The following CCDC102B variants were observed in gnomAD, a reference collection of about 807,000 sequenced individuals.
CCDC102B encodes coiled-coil domain containing 102B.
A neutral mutation model predicts 57.4 loss-of-function variants in CCDC102B; 75 were observed. The ratio of observed to expected loss-of-function variants is 1.31; its 90% CI spans 1.08 to 1.58. The LOEUF (loss-of-function observed/expected upper bound fraction) is 1.58. Among genes scored for constraint, CCDC102B ranks in the 40% most tolerant of loss-of-function variants. The probability of loss-of-function intolerance (pLI) is 0.00; values close to 1 mark genes in which losing one functional copy is unlikely to be tolerated. For missense variants in CCDC102B, 636 were observed against 582.6 expected (o/e 1.09, Z -0.94); for synonymous variants, 206 against 201.9 (o/e 1.02, Z -0.17).
chr18:68,945,674 G>C (rs1460504787), intron 6 of CCDC102B, among the ~76,000 whole-genome samples: 1 of 152,038 alleles, frequency 6.6e-6, no homozygotes, highest in African/African-American at 2.4e-5. Context: ...TGTTGTGGAA[G>C]AATCTCTTGT....
intron 6 of CCDC102B, among the ~76,000 whole-genome samples, chr18:68,917,648 T>G (rs1319112111): frequency 6.6e-6 from 1 of 152,200 alleles, no homozygotes; most frequent in Non-Finnish European, 1.5e-5. Flanking sequence ...ATGAAATAAC[T>G]TAGTTTCTTT....
chr18:69,010,044 G>C (rs1309242266), intron 6 of CCDC102B, among the ~76,000 whole-genome samples: 1 of 136,756 alleles, frequency 7.3e-6, no homozygotes, highest in African/African-American at 2.7e-5. Flanking sequence ...CCATTTTCCT[G>C]CCTCAGTCTC....
intron 3 of CCDC102B, among the ~76,000 whole-genome samples, chr18:68,845,649 A>G (rs181500254): frequency 2.6e-5 from 4 of 151,956 alleles, no homozygotes; most frequent in East Asian, 3.9e-4. Context: ...ACAATTATCA[A>G]TGACTCAGAC....
chr18:68,753,530 G>A (rs1253154709), intron 2 of CCDC102B: 1 of 152,444 alleles, frequency 6.6e-6, no homozygotes, highest in African/African-American at 2.4e-5. Context: ...AAGAAACATA[G>A]CATTCTCTCT....
intron 7 of CCDC102B, among the ~76,000 whole-genome samples, chr18:69,018,239 G>A (rs569750196): frequency 1.8e-4 from 28 of 152,246 alleles, no homozygotes; most frequent in Middle Eastern, 3.4e-3. Context: ...TATACACAAC[G>A]TGTGTATACA....
intron 6 of CCDC102B, chr18:68,993,501 C>T (rs918872470): frequency 6.6e-6 from 1 of 152,150 alleles, no homozygotes; most frequent in African/African-American, 2.4e-5. Flanking sequence ...AATGTTCTTT[C>T]TGTGTATATT....
chr18:68,974,670 A>G (rs896199195), intron 6 of CCDC102B, among the ~76,000 whole-genome samples: 3 of 151,966 alleles, frequency 2.0e-5, no homozygotes, highest in African/African-American at 7.2e-5. Flanking sequence ...TATAAATACT[A>G]AAAGCATTAT....
At chr18:69,056,841 G>A (rs370810296), downstream of CCDC102B, among the ~76,000 whole-genome samples, 42 of 152,026 alleles carry the variant, frequency 2.8e-4, 1 homozygote, top group East Asian at 5.1e-3. Context: ...CCAGTGTTAC[G>A]CTACCATTAC....
chr18:68,937,266 A>G (rs2049265430), intron 6 of CCDC102B, among the ~76,000 whole-genome samples: 1 of 152,012 alleles, frequency 6.6e-6, no homozygotes, highest in Admixed American at 6.6e-5. Context: ...AAACAGATAA[A>G]TTACCAACAC....
intron 6 of CCDC102B, chr18:68,992,810 CTCG>C (rs1486976939): frequency 1.8e-5 from 3 of 162,306 alleles, no homozygotes; most frequent in South Asian, 1.5e-4. Context: ...CATGTAGCCA[CTCG>C]TCGTGGTCAT....
intron 2 of CCDC102B, among the ~76,000 whole-genome samples, chr18:68,743,615 T>G (rs527615136): frequency 4.6e-5 from 7 of 152,328 alleles, no homozygotes; most frequent in Admixed American, 2.6e-4. Context: ...GACCTATCAG[T>G]TGCCTTTAAA....
intron 2 of CCDC102B, among the ~76,000 whole-genome samples, chr18:68,791,128 A>G (rs2035444047): frequency 6.6e-6 from 1 of 152,218 alleles, no homozygotes. Flanking sequence ...TATTCAGGAC[A>G]ATTATGCATT....
At chr18:69,057,142 T>C (rs1250233748), downstream of CCDC102B, among the ~76,000 whole-genome samples, 5 of 152,086 alleles carry the variant, frequency 3.3e-5, no homozygotes, top group Non-Finnish European at 7.4e-5. Context: ...GCCTTTTCAC[T>C]GTCCACTTGT....
chr18:68,788,985 GT>G (rs1346198340), intron 2 of CCDC102B, among the ~76,000 whole-genome samples: 4 of 152,162 alleles, frequency 2.6e-5, no homozygotes, highest in Non-Finnish European at 5.9e-5. Flanking sequence ...TCCTTTCCAT[GT>G]TTAGTGCTTC....
chr18:68,741,295 G>C (rs975623082), intron 2 of CCDC102B, among the ~76,000 whole-genome samples: 2 of 152,220 alleles, frequency 1.3e-5, no homozygotes, highest in African/African-American at 4.8e-5. Context: ...AGGCAGGACA[G>C]GGGGTCAAGC....
chr18:68,765,335 AAGAAAGAAAGAAAG>A (rs2034413343), intron 2 of CCDC102B, among the ~76,000 whole-genome samples: 22 of 108,880 alleles, frequency 2.0e-4, no homozygotes, highest in Admixed American at 1.5e-3. Flanking sequence ...GAAAGAAAGA[AAGAAAGAAAGAAAG>A]AAAGAAAGAA....
chr18:68,973,880 A>C (rs1381184337), intron 6 of CCDC102B, among the ~76,000 whole-genome samples: 3 of 152,070 alleles, frequency 2.0e-5, no homozygotes. Flanking sequence ...TTAAGTACAA[A>C]ATGGTGATAG....
intron 7 of CCDC102B, among the ~76,000 whole-genome samples, chr18:69,024,769 G>T (rs1338269896): frequency 6.6e-6 from 1 of 151,994 alleles, no homozygotes; most frequent in Non-Finnish European, 1.5e-5. Context: ...TTACAGGAAT[G>T]TAATGCATGT....
chr18:69,014,063 CT>C (rs2051594409), intron 7 of CCDC102B, among the ~76,000 whole-genome samples: 2 of 151,826 alleles, frequency 1.3e-5, no homozygotes, highest in Non-Finnish European at 2.9e-5. Context: ...TTCAAGGTAA[CT>C]GTAAGTAGCT....
Sources: gnomAD v4.1 joint callset for allele counts (sites outside exome capture counted in the v4.1 genomes callset) on GRCh38, gnomAD v4.1.1 for gene constraint, MANE v1.5 for transcripts, NCBI Gene and HGNC (gene_info 2026-07-23, HGNC 2026-07-21) for gene names.